Variants in DYRK1A observed in about 807,000 individuals in gnomAD.
DYRK1A encodes dual specificity tyrosine-phosphorylation-regulated kinase 1A.
Under a neutral mutation model 79.7 loss-of-function variants are expected in DYRK1A, and 9 were observed. The observed-to-expected ratio is 0.11, with a 90% CI of 0.07 to 0.20. DYRK1A has a LOEUF of 0.20. Among genes scored for constraint, DYRK1A ranks in the 10% least tolerant of loss-of-function variants. DYRK1A has a pLI of 1.00. For missense variants in DYRK1A, 622 were observed against 956.0 expected (o/e 0.65, Z 4.61); for synonymous variants, 349 against 329.7 (o/e 1.06, Z -0.63).
chr21:37,478,735 AC>A (rs1296940312), intron 4 of DYRK1A, among the ~76,000 whole-genome samples: 1 of 152,196 alleles, frequency 6.6e-6, no homozygotes, highest in African/African-American at 2.4e-5. Context: ...ATACCTAGTT[AC>A]AGGCATTTGG....
intron 2 of DYRK1A, among the ~76,000 whole-genome samples, chr21:37,468,350 T>G (rs538596581): frequency 6.6e-6 from 1 of 152,186 alleles, no homozygotes; most frequent in African/African-American, 2.4e-5. Context: ...CTCAAGTGAT[T>G]CCCGCCTTGG....
chr21:37,399,311 G>T (rs1030357760), intron 1 of DYRK1A, among the ~76,000 whole-genome samples: 26 of 152,074 alleles, frequency 1.7e-4, no homozygotes, highest in Non-Finnish European at 3.1e-4. Flanking sequence ...CAGCACATTT[G>T]GTTTGCCTTG....
Position 37,512,266 on chromosome 21 carries a change from G to A in DYRK1A, c.2000G>A (p.Gly667Asp). 6.2e-7 allele frequency: 1 copy of A among 1,614,160 alleles called. No individual in the cohort carries two copies. The highest frequency in any genetic ancestry group is 8.5e-7 in the Non-Finnish European group (1 of 1,180,034). ...STSSSSTGNQ[G>D]NQAYQNRPVA... is the part of the protein sequence containing the mutation. ...TCTTCCTCCTCTACTGGTAACCAAG[G>A]CAATCAGGCCTACCAGAATCGCCCA... Residue 667 changes from glycine (G) to aspartate (D), a missense_variant, in exon 12 of 12, where the codon GGC becomes GAC. Around this residue, in one of 5 missense-constraint regions of DYRK1A, gnomAD observed 292 missense variants for 316.7 expected, o/e 0.92. Coordinates refer to ENST00000647188, the MANE Select transcript of DYRK1A (RefSeq NM_001347721.2).
intron 2 of DYRK1A, among the ~76,000 whole-genome samples, chr21:37,426,911 C>T (rs1471190711): frequency 2.0e-5 from 2 of 97,864 alleles, no homozygotes; most frequent in Non-Finnish European, 4.0e-5. Flanking sequence ...AAGAGCGAGA[C>T]TCGGTTCTAA....
At chr21:37,413,614 A>G (rs1019477605) in intron 1 of DYRK1A, among the ~76,000 whole-genome samples, 2 of 152,106 alleles carry the variant, frequency 1.3e-5, no homozygotes, top group South Asian at 2.1e-4. Flanking sequence ...GAATATATAC[A>G]TAAATGAGAT....
intron 2 of DYRK1A, among the ~76,000 whole-genome samples, chr21:37,428,183 G>T (rs556384300): frequency 6.6e-6 from 1 of 152,274 alleles, no homozygotes; most frequent in African/African-American, 2.4e-5. Context: ...TGATTTTAGG[G>T]ATACTTACTG....
At chr21:37,395,611 G>A (rs1458865136) in intron 1 of DYRK1A, among the ~76,000 whole-genome samples, 1 of 152,070 alleles carries the variant, frequency 6.6e-6, no homozygotes, top group Non-Finnish European at 1.5e-5. Flanking sequence ...CTCAAAAAAA[G>A]GTTGAGAAAC....
intron 2 of DYRK1A, among the ~76,000 whole-genome samples, chr21:37,442,362 C>T (rs528323559): frequency 6.6e-6 from 1 of 152,050 alleles, no homozygotes; most frequent in African/African-American, 2.4e-5. Flanking sequence ...TGAGATTGTC[C>T]CAGAACTCAG....
intron 2 of DYRK1A, among the ~76,000 whole-genome samples, chr21:37,463,172 CATGT>C (rs1303543625): frequency 1.5e-5 from 2 of 129,346 alleles, no homozygotes; most frequent in African/African-American, 5.9e-5. Flanking sequence ...CTTGTGTGTG[CATGT>C]GTGTGTGTGT....
At chr21:37,448,804 C>T (rs1344269417) in intron 2 of DYRK1A, among the ~76,000 whole-genome samples, 2 of 152,172 alleles carry the variant, frequency 1.3e-5, no homozygotes, top group Non-Finnish European at 2.9e-5. Context: ...CTAAGTGATC[C>T]TCCCATCTCA....
chr21:37,390,831 A>G (rs1602389029), intron 1 of DYRK1A, among the ~76,000 whole-genome samples: 2 of 152,128 alleles, frequency 1.3e-5, no homozygotes, highest in East Asian at 3.9e-4. Context: ...CAGCCTCCCA[A>G]AGTGCTGGGA....
chr21:37,401,841 A>G (rs184921951), intron 1 of DYRK1A, among the ~76,000 whole-genome samples: 323 of 152,254 alleles, frequency 2.1e-3, no homozygotes, highest in Non-Finnish European at 3.7e-3. Flanking sequence ...GGTTCTTTGT[A>G]TCTTTCGCAA....
chr21:37,504,475 A>G (rs1476656721), intron 9 of DYRK1A: 1 of 152,220 alleles, frequency 6.6e-6, no homozygotes, highest in African/African-American at 2.4e-5. Flanking sequence ...ATCCTCATAC[A>G]GCTCTCTGAT....
At chr21:37,423,196 T>C (rs373172512) in intron 2 of DYRK1A, among the ~76,000 whole-genome samples, 1 of 152,114 alleles carries the variant, frequency 6.6e-6, no homozygotes, top group African/African-American at 2.4e-5. Flanking sequence ...GTAATGACAT[T>C]GACAGTAATG....
rs2053932991 is a variant in DYRK1A, at chr21:37,521,191, C to T, written c.*8660C>T. ...GTTTGCGTATTAGAGTTCTGACCAT[C>T]TTCACTAGAAGTGGGGGCGGCTAGC... On this transcript the variant is annotated 3_prime_UTR_variant, in exon 12 of 12. Transcript: ENST00000647188. 1 of 152,236 alleles carries T rather than the reference C, an allele frequency of 6.6e-6. No homozygotes were observed. Among genetic ancestry groups the T allele is most frequent in the South Asian group, 2.1e-4 (1 of 4,832 alleles). 9.4% of individuals were successfully genotyped at this position (152,236 alleles called of 1,614,324 possible).
rs1569361960 is a variant in DYRK1A, at chr21:37,479,593, TG to T, written c.301-1044del. Among the ~76,000 whole-genome samples, 476 of 66,404 alleles carry T rather than the reference TG, an allele frequency of 7.2e-3. 9 individuals carry two copies. Among genetic ancestry groups the T allele is most frequent in the African/African-American group, 0.049 (450 of 9,122 alleles). The allele number at this position is 66,404 out of a possible 152,430, so 43.6% of individuals were successfully genotyped here. Reference sequence around the variant, plus strand: ...AGTCTTAGAAACAGTGTTGGTGTTTTGTTTTTGTTTTTGTTTTTGTTTTTTG... The same window carrying T: ...AGTCTTAGAAACAGTGTTGGTGTTTTTTTTTGTTTTTGTTTTTGTTTTTTG... On this transcript the variant is annotated intron_variant, in intron 4 of 11. Coordinates refer to ENST00000647188, the MANE Select transcript of DYRK1A (RefSeq NM_001347721.2).
In DYRK1A at chr21:37,430,208, A is replaced by G. The variant is rs1569314842; in HGVS notation, c.10+9824A>G. On this transcript the variant is annotated intron_variant, in intron 2 of 11. Transcript: ENST00000647188. ...CCCACCAGTTACTTCCAGCTTGTATATAGGTATGTTCACTTACACATCTTT... is the reference window on the plus strand; with the variant it reads ...CCCACCAGTTACTTCCAGCTTGTATGTAGGTATGTTCACTTACACATCTTT... 6.3e-6 allele frequency: 5 copies of G among 788,008 alleles called. No individual in the cohort carries two copies. The Admixed American group carries it at 2.5e-4, about 39-fold the overall frequency. The allele number at this position is 788,008 out of a possible 1,614,324, so 48.8% of individuals were successfully genotyped here. A position where few individuals can be genotyped will look rare whatever the true frequency, so the allele number is the denominator to read the frequency against.
In DYRK1A at chr21:37,517,459, A is replaced by G. The variant is rs949313713; in HGVS notation, c.*4928A>G. The G allele has an allele frequency of 3.3e-5, 5 of 152,138 alleles. No individual in the cohort carries two copies. Among genetic ancestry groups the G allele is most frequent in the African/African-American group, 1.2e-4 (5 of 41,410 alleles). The allele number at this position is 152,138 out of a possible 1,614,324, so 9.4% of individuals were successfully genotyped here. ...AATTTCTAAAATTGCTACTTTGGGA[A>G]TTTTTTTCTTTATTCTTGTAAAGTT... On this transcript the variant is annotated 3_prime_UTR_variant, in exon 12 of 12. Coordinates refer to ENST00000647188, the MANE Select transcript of DYRK1A (RefSeq NM_001347721.2).
intron 2 of DYRK1A, among the ~76,000 whole-genome samples, chr21:37,443,908 C>CT (rs2051185152): frequency 2.0e-5 from 3 of 152,154 alleles, no homozygotes; most frequent in African/African-American, 4.8e-5. Flanking sequence ...TGCAGCAAAG[C>CT]TTTTTTCCAA....
Sources: allele counts gnomAD v4.1 joint callset (sites outside exome capture counted in the v4.1 genomes callset), GRCh38; gene constraint gnomAD v4.1.1; regional missense constraint gnomAD v4.1.1; transcripts MANE v1.5; gene names NCBI Gene and HGNC (gene_info 2026-07-23, HGNC 2026-07-21).